RNF150: variants seen among roughly 807,000 people sequenced by gnomAD.
RNF150 encodes ring finger protein 150.
A neutral mutation model predicts 39.3 loss-of-function variants in RNF150; 24 were observed. That is an observed-to-expected ratio of 0.61 (90% CI 0.44 to 0.86). The LOEUF (loss-of-function observed/expected upper bound fraction) is 0.86. Among genes scored for constraint, RNF150 ranks in the 40% least tolerant of loss-of-function variants. RNF150 has a pLI of 0.00. For missense variants in RNF150, 502 were observed against 587.8 expected, an observed-to-expected ratio of 0.85 and a Z score of 1.51; for synonymous variants, 255 against 227.3, an observed-to-expected ratio of 1.12 and a Z score of -1.10.
chr4:140,963,968 A>G (rs17006727), intron 2 of RNF150, among the ~76,000 whole-genome samples: 1,628 of 152,170 alleles, frequency 0.011, 32 homozygotes, highest in African/African-American at 0.037. Context: ...AAGAAATGAT[A>G]AAAACAATCC....
At chr4:140,878,939 T>G (rs545081873) in intron 6 of RNF150, among the ~76,000 whole-genome samples, 24 of 152,214 alleles carry the variant, frequency 1.6e-4, no homozygotes, top group Non-Finnish European at 4.4e-5. Context: ...ATGCTTACGC[T>G]CTAAGATAAG....
At chr4:140,937,741 G>C (rs1297888405) in intron 4 of RNF150, among the ~76,000 whole-genome samples, 1 of 151,862 alleles carries the variant, frequency 6.6e-6, no homozygotes, top group East Asian at 1.9e-4. Flanking sequence ...TGGGTGGTCA[G>C]ATTATTTTTG....
chr4:141,071,988 T>C (rs1362119637), intron 1 of RNF150, among the ~76,000 whole-genome samples: 4 of 152,194 alleles, frequency 2.6e-5, no homozygotes, highest in African/African-American at 4.8e-5. Flanking sequence ...TTAAACTTAA[T>C]TGTGCATATC....
chr4:140,877,449 C>A (rs1385611592), intron 6 of RNF150, among the ~76,000 whole-genome samples: 1 of 152,094 alleles, frequency 6.6e-6, no homozygotes, highest in Non-Finnish European at 1.5e-5. Context: ...GAGAAAGTTG[C>A]CAAATGGATT....
intron 1 of RNF150, among the ~76,000 whole-genome samples, chr4:141,126,834 G>C (rs1338162541): frequency 6.6e-6 from 1 of 152,126 alleles, no homozygotes; most frequent in Non-Finnish European, 1.5e-5. Context: ...TTATAAATAA[G>C]AAAACTGAGG....
chr4:141,160,530 A>G (rs750112602), intron 1 of RNF150, among the ~76,000 whole-genome samples: 3 of 152,248 alleles, frequency 2.0e-5, no homozygotes, highest in Non-Finnish European at 4.4e-5. Flanking sequence ...TAATTAATTT[A>G]TCAATGATAT....
At chr4:141,002,741 G>C (rs1167469814) in intron 1 of RNF150, among the ~76,000 whole-genome samples, 2 of 152,144 alleles carry the variant, frequency 1.3e-5, no homozygotes, top group East Asian at 3.9e-4. Flanking sequence ...ACGAGCTGCA[G>C]GGGGAAGCCT....
chr4:140,940,054 A>G (rs1029006913), intron 4 of RNF150, among the ~76,000 whole-genome samples: 1 of 152,144 alleles, frequency 6.6e-6, no homozygotes, highest in African/African-American at 2.4e-5. Flanking sequence ...GTTGTGTATA[A>G]AGCACAAACC....
At chr4:141,055,262 G>C (rs138622620) in intron 1 of RNF150, among the ~76,000 whole-genome samples, 1 of 152,248 alleles carries the variant, frequency 6.6e-6, no homozygotes, top group East Asian at 1.9e-4. Context: ...GCTTAATCCA[G>C]AGTATGGCTG....
chr4:140,911,052 A>AT (rs1730577009), intron 6 of RNF150, 92 bp downstream of exon 6: 2 of 991,000 alleles, frequency 2.0e-6, no homozygotes, highest in African/African-American at 1.6e-5. Flanking sequence ...CTCATTCAAT[A>AT]TTTTTTTCTT....
chr4:141,031,356 T>G (rs980769302), intron 1 of RNF150, among the ~76,000 whole-genome samples: 13 of 152,018 alleles, frequency 8.6e-5, no homozygotes, highest in Non-Finnish European at 1.6e-4. Context: ...AAATTTTTTT[T>G]GGGTAAGAGC....
chr4:140,946,675 T>A (rs1322780442), intron 4 of RNF150, among the ~76,000 whole-genome samples: 5 of 152,094 alleles, frequency 3.3e-5, no homozygotes, highest in African/African-American at 1.2e-4. Flanking sequence ...AGCTAATTTT[T>A]AATTTTTTTT....
intron 5 of RNF150, among the ~76,000 whole-genome samples, chr4:140,922,958 C>G (rs1406274462): frequency 1.3e-5 from 2 of 150,850 alleles, no homozygotes; most frequent in East Asian, 1.9e-4. Flanking sequence ...ACACCTTATA[C>G]AAAAATTAAT....
rs114775044 is a variant in RNF150 at position 141,177,272 on chromosome 4, T to C, written c.-6+35522A>G. Among the ~76,000 whole-genome samples, 1,062 of 152,132 alleles carry C rather than the reference T, an allele frequency of 7.0e-3. 12 individuals carry two copies. The highest frequency in any genetic ancestry group is 0.024 in the African/African-American group (1,015 of 41,514). On this transcript the variant is annotated intron_variant, in intron 1 of 7. Transcript: ENST00000420921. Reference sequence around the variant, plus strand: ...CAGATTCCTTCCAGTGAACCCAATATAGAGATGGGAAAGTCTAGTCCTGGG... The same window carrying C: ...CAGATTCCTTCCAGTGAACCCAATACAGAGATGGGAAAGTCTAGTCCTGGG...
At chr4:140,931,903 T>C (rs2111335729) in intron 4 of RNF150, among the ~76,000 whole-genome samples, 1 of 152,336 alleles carries the variant, frequency 6.6e-6, no homozygotes, top group African/African-American at 2.4e-5. Flanking sequence ...TTGATTCTTG[T>C]TTTCTGCTGT....
At position 140,897,950 on chromosome 4, in the gene RNF150, C is replaced by T. The variant is rs558113995; in HGVS notation, c.1198+13194G>A. On this transcript the variant is annotated intron_variant, in intron 6 of 6. Coordinates refer to ENST00000515673, the MANE Select transcript of RNF150 (RefSeq NM_020724.2). ...CTTGACCTAGCTTTACTACCAAGAA[C>T]GTACATTATTGTCAGGGACATAAAT... Among the ~76,000 whole-genome samples the T allele has an allele frequency of 8.5e-5, 13 of 152,256 alleles. No individual in the cohort carries two copies. The South Asian group carries it at 1.0e-3, about 12-fold the overall frequency.
intron 1 of RNF150, among the ~76,000 whole-genome samples, chr4:141,110,986 C>T (rs773028988): frequency 1.3e-5 from 2 of 152,116 alleles, no homozygotes; most frequent in South Asian, 4.1e-4. Flanking sequence ...CAGGACAAAA[C>T]CTGCTGTTGA....
intron 4 of RNF150, among the ~76,000 whole-genome samples, chr4:140,929,902 C>T (rs536925963): frequency 6.6e-6 from 1 of 152,142 alleles, no homozygotes; most frequent in African/African-American, 2.4e-5. Context: ...GCCTGTAATC[C>T]CAGCATTTTG....
chr4:140,963,531 C>T (rs906559625), intron 2 of RNF150, among the ~76,000 whole-genome samples: 1 of 147,764 alleles, frequency 6.8e-6, no homozygotes, highest in Non-Finnish European at 1.5e-5. Context: ...TTGGACACCA[C>T]AGCTCTAGAT....
Sources: allele counts gnomAD v4.1 joint callset (sites outside exome capture counted in the v4.1 genomes callset), GRCh38; gene constraint gnomAD v4.1.1; transcripts MANE v1.5; gene names NCBI Gene and HGNC (gene_info 2026-07-23, HGNC 2026-07-21).